HIVEP3: variants seen among roughly 807,000 people sequenced by gnomAD.
The protein encoded by HIVEP3 is transcription factor HIVEP3.
In HIVEP3, 49 loss-of-function variants were observed where a neutral mutation model predicts 152.8. The observed-to-expected ratio is 0.32, with a 90% CI of 0.26 to 0.41. HIVEP3 has a LOEUF of 0.41. Ranked by LOEUF, HIVEP3 falls within the 10% of genes least tolerant of loss-of-function variation. The pLI, the probability that HIVEP3 is intolerant of heterozygous loss-of-function variation, is 1.00. For synonymous variants in HIVEP3, 1,269 were observed against 1,289.0 expected (o/e 0.98, Z 0.33); for missense variants, 2,790 against 3,103.3 (o/e 0.90, Z 2.40).
At chr1:41,933,918 C>A (rs1645007624) in intron 1 of HIVEP3, among the ~76,000 whole-genome samples, 1 of 152,042 alleles carries the variant, frequency 6.6e-6, no homozygotes. Context: ...GAATGTATAT[C>A]CATCCTTTCC....
chr1:41,755,641 T>G (rs1054749409), intron 1 of HIVEP3, among the ~76,000 whole-genome samples: 1 of 148,484 alleles, frequency 6.7e-6, no homozygotes, highest in Non-Finnish European at 1.5e-5. Context: ...CAATAAACAA[T>G]CTAATTAGAA....
Position 41,583,207 on chromosome 1 carries a change from T to A in HIVEP3, c.1591A>T (p.Thr531Ser), listed in dbSNP as rs756627337. The A allele has an allele frequency of 6.2e-7, 1 of 1,607,884 alleles. No individual in the cohort carries two copies. The highest frequency in any genetic ancestry group is 1.1e-5 in the South Asian group (1 of 90,794). ...SLLSLQHPPS[T>S]APPVPLLRSH... is the part of the protein sequence containing the mutation. ...CTCAGGAGAGGCACAGGGGGGGCGG[T>A]ACTGGGCGGGTGCTGGAGGCTCAGC... Residue 531 changes from threonine to serine, a missense_variant, in exon 4 of 9, where the codon ACC becomes TCC. Around this residue, in one of 9 missense-constraint regions of HIVEP3, gnomAD observed 339 missense variants for 327.0 expected, o/e 1.04. Coordinates refer to ENST00000372583, the MANE Select transcript of HIVEP3 (RefSeq NM_024503.5). This position sits in a 1 kb window ranked among gnomAD's most constrained non-coding sequence, Gnocchi z 6.9.
At chr1:41,766,284 G>A (rs1648004428) in intron 1 of HIVEP3, among the ~76,000 whole-genome samples, 2 of 152,214 alleles carry the variant, frequency 1.3e-5, no homozygotes, top group Non-Finnish European at 2.9e-5. Context: ...CACAACTAGA[G>A]GTTACTACTG....
intron 2 of HIVEP3, among the ~76,000 whole-genome samples, chr1:41,641,716 G>A (rs1448713397): frequency 1.3e-5 from 2 of 152,228 alleles, no homozygotes; most frequent in Non-Finnish European, 2.9e-5. Context: ...TACAGGGGGT[G>A]ACAGGAGCCA....
At chr1:41,654,755 C>A (rs927625557) in intron 2 of HIVEP3, among the ~76,000 whole-genome samples, 1 of 152,206 alleles carries the variant, frequency 6.6e-6, no homozygotes, top group Admixed American at 6.5e-5. Flanking sequence ...GAAATAGACA[C>A]CATTCTCTAC....
chr1:41,649,980 C>T (rs1352826347), intron 2 of HIVEP3, among the ~76,000 whole-genome samples: 1 of 152,008 alleles, frequency 6.6e-6, no homozygotes, highest in Non-Finnish European at 1.5e-5. Context: ...AAGCCCACAT[C>T]CCCGGGGGTG....
At position 42,000,735 on chromosome 1, in the gene HIVEP3, C is replaced by T. The variant is rs186410945; in HGVS notation, n.119+35072G>A. Among the ~76,000 whole-genome samples, 19 of 152,254 alleles carry T rather than the reference C, an allele frequency of 1.2e-4. No homozygotes were observed. In the East Asian group the frequency reaches 2.3e-3, roughly 19 times the overall value. On this transcript the variant is annotated intron_variant and non_coding_transcript_variant, in intron 1 of 3. Coordinates refer to the HIVEP3 transcript ENST00000489103. ...TTCAAATCAGCACCCAAAAACCCTC[C>T]TGACAAAGATTTTTCTCCCAATACT...
chr1:41,518,332 C>A, intron 7 of HIVEP3, 70 bp downstream of exon 7: 1 of 1,313,776 alleles, frequency 7.6e-7, no homozygotes, highest in Non-Finnish European at 1.1e-6. Flanking sequence ...GGAAGGCAAG[C>A]AGGAAAGGTG....
intron 1 of HIVEP3, among the ~76,000 whole-genome samples, chr1:41,893,122 C>CAAA (rs59214004): frequency 0.013 from 1,029 of 76,688 alleles, 22 homozygotes; most frequent in African/African-American, 0.044. Context: ...GATCTCGTCT[C>CAAA]AAAAAAAAAA....
intron 1 of HIVEP3, among the ~76,000 whole-genome samples, chr1:41,863,464 G>C (rs1027716358): frequency 2.0e-5 from 3 of 152,186 alleles, no homozygotes; most frequent in Admixed American, 1.3e-4. Flanking sequence ...TGGGACAAAA[G>C]AAGAAAGGAA....
At chr1:42,013,896 A>G (rs1645506555) in intron 1 of HIVEP3, among the ~76,000 whole-genome samples, 1 of 152,198 alleles carries the variant, frequency 6.6e-6, no homozygotes, top group Non-Finnish European at 1.5e-5. Context: ...ATTGCCCTCC[A>G]TAATATTCCT....
chr1:41,645,766 C>T (rs1220716765), intron 2 of HIVEP3, among the ~76,000 whole-genome samples: 5 of 152,160 alleles, frequency 3.3e-5, no homozygotes, highest in African/African-American at 1.2e-4. Context: ...ACCAACCATT[C>T]GTTCATGCAT....
chr1:41,745,267 C>T (rs1558232365), intron 1 of HIVEP3, among the ~76,000 whole-genome samples: 1 of 152,200 alleles, frequency 6.6e-6, no homozygotes, highest in Admixed American at 6.5e-5. Flanking sequence ...CCCCACAGAT[C>T]ACATGGTGAA....
intron 2 of HIVEP3, among the ~76,000 whole-genome samples, chr1:41,676,718 A>G (rs6700172): frequency 0.96 from 145,669 of 152,258 alleles, 69,727 homozygotes; most frequent in East Asian, 1. Flanking sequence ...CTCCACTCTC[A>G]ATTCAGGCAG....
intron 2 of HIVEP3, among the ~76,000 whole-genome samples, chr1:41,656,579 T>C (rs1645632533): frequency 6.6e-6 from 1 of 152,172 alleles, no homozygotes; most frequent in South Asian, 2.1e-4. Context: ...ACTTGGGCAC[T>C]GATGGGCTGA....
At chr1:41,867,731 C>T (rs138752120) in intron 1 of HIVEP3, among the ~76,000 whole-genome samples, 1 of 152,298 alleles carries the variant, frequency 6.6e-6, no homozygotes, top group Non-Finnish European at 1.5e-5. Flanking sequence ...TACGAGGTGC[C>T]ATCTGGTAAA....
chr1:41,935,808 C>A (rs1432858551), intron 1 of HIVEP3, among the ~76,000 whole-genome samples: 1 of 149,150 alleles, frequency 6.7e-6, no homozygotes, highest in Non-Finnish European at 1.5e-5. Flanking sequence ...GAATAAAGAG[C>A]CCTCTATAAG....
In HIVEP3 at chr1:41,904,440, AC is replaced by A. The variant is rs1644677867; in HGVS notation, c.-801+13972del. Among the ~76,000 whole-genome samples the A allele has an allele frequency of 4.0e-5, 6 of 151,776 alleles. No homozygotes were observed. In the South Asian group the frequency reaches 1.3e-3, roughly 32 times the overall value. ...GCTTGCCCAGACCAACAAAATCAGA[AC>A]CCCCTGATGAGACCTACTGCTGTAA... On this transcript the variant is annotated intron_variant, in intron 1 of 8. Transcript: ENST00000372583.
intron 1 of HIVEP3, among the ~76,000 whole-genome samples, chr1:41,825,092 C>G (rs1215899398): frequency 6.6e-6 from 1 of 152,014 alleles, no homozygotes; most frequent in Non-Finnish European, 1.5e-5. Flanking sequence ...CACCTGGGTG[C>G]AGGCGGGCTG....
Sources: allele counts gnomAD v4.1 joint callset (sites outside exome capture counted in the v4.1 genomes callset), GRCh38; gene constraint gnomAD v4.1.1; regional missense constraint gnomAD v4.1.1; non-coding constraint Gnocchi (gnomAD v3.1); transcripts MANE v1.5; gene names NCBI Gene and HGNC (gene_info 2026-07-23, HGNC 2026-07-21).